Variants in UTRN observed in about 807,000 individuals in gnomAD.
UTRN encodes dystrophin-related protein 1.
UTRN carries 283 observed loss-of-function variants against 463.9 expected under a neutral mutation model. That is an observed-to-expected ratio of 0.61 (90% CI 0.55 to 0.67). The LOEUF is 0.67. Among genes scored for constraint, UTRN ranks in the 30% least tolerant of loss-of-function variants. The pLI is 0.00. For synonymous variants in UTRN, 1,442 were observed against 1,431.5 expected (o/e 1.01, Z -0.17); for missense variants, 3,922 against 4,084.3 (o/e 0.96, Z 1.08).
chr6:144,464,375 G>A (rs1014945050), intron 23 of UTRN, among the ~76,000 whole-genome samples: 1 of 152,128 alleles, frequency 6.6e-6, no homozygotes, highest in Non-Finnish European at 1.5e-5. Context: ...GTAGCTGTGT[G>A]TGATGGTAGT....
intron 26 of UTRN, among the ~76,000 whole-genome samples, chr6:144,481,800 C>G (rs907733788): frequency 2.0e-5 from 3 of 152,194 alleles, no homozygotes; most frequent in Non-Finnish European, 2.9e-5. Flanking sequence ...GCTCACGCCT[C>G]TAATCCCAGC....
chr6:144,741,997 T>C (rs1413529920), intron 54 of UTRN, among the ~76,000 whole-genome samples: 2 of 152,192 alleles, frequency 1.3e-5, no homozygotes, highest in East Asian at 3.8e-4. Flanking sequence ...TCTTAATAAC[T>C]TGCATTTACT....
chr6:144,600,942 G>A (rs748656240), intron 51 of UTRN, among the ~76,000 whole-genome samples: 15 of 152,086 alleles, frequency 9.9e-5, no homozygotes, highest in South Asian at 2.1e-4. Flanking sequence ...AAATCCTAGG[G>A]CCCTTAAGAA....
At position 144,444,289 on chromosome 6, in the gene UTRN, T is replaced by C. The variant is rs1787451544; in HGVS notation, c.1521T>C (p.Gly507=). The change falls in exon 14 of 75, where the codon GGT becomes GGC. Residue 507 remains glycine, a synonymous_variant. Transcript: ENST00000367545. ...GTTTCTCCTTTTTCTAGAAACTTGG[T>C]GAGCGCTGGACAGCAGTATGCCGTT... The part of the protein sequence containing the change: ...AILEDQLQKL[G]ERWTAVCRWT... 1 of 1,609,080 alleles carries C rather than the reference T, an allele frequency of 6.2e-7. No homozygotes were observed. The highest frequency in any genetic ancestry group is 1.3e-5 in the African/African-American group (1 of 74,764).
chr6:144,316,948 A>G lies in UTRN; in HGVS notation c.79+25041A>G, dbSNP rs140109597. On this transcript the variant is annotated intron_variant, in intron 2 of 74. Coordinates refer to ENST00000367545, the MANE Select transcript of UTRN (RefSeq NM_007124.3). ...TCAACAACAATGCAGAGAGGAAGAA[A>G]TGAGTGGATTGGTAAGATAAGGCCA... 3.5e-3 allele frequency among the ~76,000 whole-genome samples: 540 copies of G among 152,348 alleles called. 7 individuals carry two copies. Among genetic ancestry groups the G allele is most frequent in the African/African-American group, 0.011 (454 of 41,588 alleles).
intron 2 of UTRN, among the ~76,000 whole-genome samples, chr6:144,308,116 ACCGCTCACT>A (rs1375281041): frequency 1.3e-5 from 2 of 151,794 alleles, no homozygotes; most frequent in African/African-American, 4.8e-5. Context: ...CCCTCCCTCC[ACCGCTCACT>A]CTCATTTCTC....
chr6:144,359,352 G>A (rs12662786), intron 2 of UTRN, among the ~76,000 whole-genome samples: 3,759 of 152,314 alleles, frequency 0.025, 120 homozygotes, highest in East Asian at 0.11. Context: ...ATATAAGTCA[G>A]TAGAACAGCC....
intron 51 of UTRN, among the ~76,000 whole-genome samples, chr6:144,578,080 G>C (rs1801615589): frequency 6.6e-6 from 1 of 152,100 alleles, no homozygotes; most frequent in Non-Finnish European, 1.5e-5. Flanking sequence ...GTGCGCACCT[G>C]TAGTCCCAGC....
chr6:144,484,459 T>TTTAGTAAAGGTCTC (rs1792219553), intron 27 of UTRN, among the ~76,000 whole-genome samples: 1 of 134,474 alleles, frequency 7.4e-6, no homozygotes, highest in Admixed American at 7.4e-5. Flanking sequence ...TTTTTTTTTT[T>TTTAGTAAAGGTCTC]GAGATGGAGT....
chr6:144,763,396 C>T (rs991707526), intron 58 of UTRN, among the ~76,000 whole-genome samples: 2 of 152,182 alleles, frequency 1.3e-5, no homozygotes, highest in South Asian at 2.1e-4. Flanking sequence ...GACCTACTCT[C>T]ATTTCCCAAG....
At chr6:144,781,566 G>A (rs560980662) in intron 60 of UTRN, among the ~76,000 whole-genome samples, 21 of 152,208 alleles carry the variant, frequency 1.4e-4, no homozygotes, top group Non-Finnish European at 2.6e-4. Flanking sequence ...TTTGAGATGC[G>A]CTGCCATTTG....
At chr6:144,398,922 G>A (rs1782695409) in intron 2 of UTRN, among the ~76,000 whole-genome samples, 1 of 151,876 alleles carries the variant, frequency 6.6e-6, no homozygotes, top group African/African-American at 2.4e-5. Flanking sequence ...TGTTTTAAAT[G>A]CGGTTTTTAG....
intron 63 of UTRN, among the ~76,000 whole-genome samples, chr6:144,794,701 G>C (rs567139013): frequency 6.6e-6 from 1 of 152,104 alleles, no homozygotes; most frequent in African/African-American, 2.4e-5. Flanking sequence ...CCATAAACTG[G>C]ATGGCTTTTA....
At chr6:144,485,779 G>A (rs914613126) in intron 28 of UTRN, among the ~76,000 whole-genome samples, 3 of 152,150 alleles carry the variant, frequency 2.0e-5, no homozygotes, top group African/African-American at 7.2e-5. Flanking sequence ...GCACTCTAGT[G>A]GTTTTCCAGT....
At chr6:144,679,305 A>G (rs1227265996) in intron 52 of UTRN, among the ~76,000 whole-genome samples, 1 of 152,148 alleles carries the variant, frequency 6.6e-6, no homozygotes, top group Non-Finnish European at 1.5e-5. Context: ...TTAAGATCAT[A>G]TTTAATAGAG....
In UTRN at chr6:144,417,442, T is replaced by G. The variant is rs542305095; in HGVS notation, c.142-4436T>G. On this transcript the variant is annotated intron_variant, in intron 3 of 74. Transcript: ENST00000367545. ...CTGTAGAATGAAGAAGATGATGCTG[T>G]TTTTCTCGAAATACTATTATAAGGA... 1.1e-4 allele frequency among the ~76,000 whole-genome samples: 16 copies of G among 152,278 alleles called. 1 individual carries two copies. The East Asian group carries it at 2.7e-3, about 26-fold the overall frequency.
chr6:144,513,996 A>G lies in UTRN; in HGVS notation c.5032A>G (p.Ile1678Val). The change falls in exon 36 of 75, where the codon ATT (isoleucine) becomes GTT (valine). Residue 1678 changes from isoleucine (I) to valine (V), a missense_variant. This residue lies in a region of UTRN where 2,349 missense variants were observed against 2,303.8 expected (regional missense o/e 1.02). Coordinates refer to ENST00000367545, the MANE Select transcript of UTRN (RefSeq NM_007124.3). Reference sequence around the variant, plus strand: ...TCAAGCTGAAGCTCTATTGGATGAAATTGAAAAGAAACCAACAAGTAAACA... The same window carrying G: ...TCAAGCTGAAGCTCTATTGGATGAAGTTGAAAAGAAACCAACAAGTAAACA... ...LYQAEALLDE[I>V]EKKPTSKQEE... is the part of the protein sequence containing the mutation. The G allele has an allele frequency of 1.2e-6, 2 of 1,614,042 alleles. No individual in the cohort carries two copies. Among genetic ancestry groups the G allele is most frequent in the African/African-American group, 1.3e-5 (1 of 75,064 alleles).
At chr6:144,707,581 A>G (rs1476063730) in intron 53 of UTRN, among the ~76,000 whole-genome samples, 1 of 152,140 alleles carries the variant, frequency 6.6e-6, no homozygotes, top group Non-Finnish European at 1.5e-5. Flanking sequence ...AAAGATATCA[A>G]TGCTCAGTTA....
chr6:144,527,165 T>G (rs979904537), intron 41 of UTRN, among the ~76,000 whole-genome samples: 13 of 152,238 alleles, frequency 8.5e-5, no homozygotes, highest in African/African-American at 2.9e-4. Context: ...GACTTAGAGC[T>G]CCTTTTAGCA....
Sources: gnomAD v4.1 joint callset for allele counts (sites outside exome capture counted in the v4.1 genomes callset) on GRCh38, gnomAD v4.1.1 for gene constraint, gnomAD v4.1.1 regional missense constraint, MANE v1.5 for transcripts, NCBI Gene and HGNC (gene_info 2026-07-23, HGNC 2026-07-21) for gene names.